Variants in TARS3 observed in about 807,000 individuals in gnomAD.
TARS3 encodes threonine--tRNA ligase 2, cytoplasmic.
In TARS3, 94 loss-of-function variants were observed where a neutral mutation model predicts 103.5. That is an observed-to-expected ratio of 0.91 (90% CI 0.77 to 1.08). TARS3 has a LOEUF of 1.08. Ranked by LOEUF, TARS3 falls within the 50% of genes least tolerant of loss-of-function variation. The probability of loss-of-function intolerance (pLI) is 0.00; values close to 1 mark genes in which losing one functional copy is unlikely to be tolerated. For missense variants in TARS3, 952 were observed against 995.2 expected (o/e 0.96, Z 0.58); for synonymous variants, 416 against 355.4 (o/e 1.17, Z -1.92).
At chr15:101,687,948 T>C (rs1898545347) in intron 10 of TARS3, among the ~76,000 whole-genome samples, 1 of 152,136 alleles carries the variant, frequency 6.6e-6, no homozygotes. Context: ...ACCCTAATCT[T>C]AGACTTACTG....
chr15:101,699,459 T>C, intron 10 of TARS3: 1 of 456,048 alleles, frequency 2.2e-6, no homozygotes, highest in Non-Finnish European at 4.4e-6. Context: ...GAGATCCCCT[T>C]AATGCCACTG....
chr15:101,708,209 G>A (rs1899666900), intron 6 of TARS3, among the ~76,000 whole-genome samples: 2 of 114,842 alleles, frequency 1.7e-5, no homozygotes, highest in African/African-American at 6.6e-5. Context: ...AGTGAGCCAA[G>A]ATAGTGCCAC....
At chr15:101,662,805 C>A (rs1351293218) in intron 15 of TARS3, among the ~76,000 whole-genome samples, 3 of 151,946 alleles carry the variant, frequency 2.0e-5, no homozygotes, top group Admixed American at 2.0e-4. Context: ...CCTGGGTATC[C>A]AAAATTTCTG....
chr15:101,718,265 G>C (rs1274858711), intron 3 of TARS3, among the ~76,000 whole-genome samples: 2 of 152,110 alleles, frequency 1.3e-5, no homozygotes, highest in African/African-American at 4.8e-5. Flanking sequence ...CTACTCGGGA[G>C]GCTGAGGCAG....
chr15:101,676,660 G>C (rs976143105), intron 12 of TARS3, among the ~76,000 whole-genome samples: 2 of 149,230 alleles, frequency 1.3e-5, no homozygotes, highest in Non-Finnish European at 3.0e-5. Flanking sequence ...CACCATGCTC[G>C]GCTAATTTTT....
intron 10 of TARS3, among the ~76,000 whole-genome samples, chr15:101,688,502 T>C (rs1421323602): frequency 3.3e-5 from 5 of 152,206 alleles, no homozygotes; most frequent in African/African-American, 1.2e-4. Context: ...GCTGAGTCTC[T>C]ACCCATACCT....
chr15:101,695,013 T>G (rs1433590372), intron 10 of TARS3, among the ~76,000 whole-genome samples: 4 of 152,180 alleles, frequency 2.6e-5, no homozygotes, highest in Non-Finnish European at 5.9e-5. Context: ...CCATGACAGT[T>G]GCATAATAAC....
At chr15:101,712,098 T>C in intron 4 of TARS3, 97 bp from the exon 5 acceptor site, 5 of 1,367,044 alleles carry the variant, frequency 3.7e-6, no homozygotes, top group Non-Finnish European at 4.9e-6. Context: ...TTTAAGGAGA[T>C]ACATGGCAAG....
At chr15:101,661,965 A>C in intron 15 of TARS3, 149 bp from the exon 16 acceptor site, 3 of 483,088 alleles carry the variant, frequency 6.2e-6, no homozygotes, top group Non-Finnish European at 1.0e-5. Context: ...TTGTTTTCTC[A>C]TTGCTTTCTT....
rs1480496417 is a variant in TARS3 at position 101,654,502 on chromosome 15, A to C, written c.*80T>G. 6.7e-7 allele frequency: 1 copy of C among 1,495,756 alleles called. No individual in the cohort carries two copies. Among genetic ancestry groups the C allele is most frequent in the East Asian group, 2.3e-5 (1 of 43,368 alleles). The allele number at this position is 1,495,756 out of a possible 1,614,324, so 92.7% of individuals were successfully genotyped here. A position where few individuals can be genotyped will look rare whatever the true frequency, so the allele number is the denominator to read the frequency against. On this transcript the variant is annotated 3_prime_UTR_variant, in exon 19 of 19. Coordinates refer to ENST00000335968, the MANE Select transcript of TARS3 (RefSeq NM_152334.3). ...GACCCATCAGTGGCTCCAAAGTCGT[A>C]GAAGTACTAACATGTTAAGAAAAAT...
rs199842569 is a variant in TARS3 at position 101,698,380 on chromosome 15, TA to T, written c.1320+2705del. On this transcript the variant is annotated intron_variant, in intron 10 of 18. Coordinates refer to ENST00000335968, the MANE Select transcript of TARS3 (RefSeq NM_152334.3). ...AATACATAAATAATTTTTTTTTTTT[TA>T]AAAAAGAAAGCTACCCTAAGGCACA... Among the ~76,000 whole-genome samples, 548 of 150,980 alleles carry T rather than the reference TA, an allele frequency of 3.6e-3. 2 individuals carry two copies. Among genetic ancestry groups the T allele is most frequent in the African/African-American group, 0.013 (519 of 40,972 alleles).
chr15:101,686,958 C>T (rs1885403423), intron 10 of TARS3, among the ~76,000 whole-genome samples: 1 of 151,846 alleles, frequency 6.6e-6, no homozygotes, highest in African/African-American at 2.4e-5. Flanking sequence ...TAAAACATAA[C>T]ATTTTAAGAT....
At chr15:101,667,261 C>T (rs780263218) in intron 15 of TARS3, among the ~76,000 whole-genome samples, 16 of 152,028 alleles carry the variant, frequency 1.1e-4, no homozygotes, top group Admixed American at 2.0e-4. Flanking sequence ...TAGCATTATT[C>T]GTAAGGGTTC....
At position 101,675,756 on chromosome 15, in the gene TARS3, A is replaced by C; in HGVS notation, c.1651-19T>G. 1 of 1,601,460 alleles carries C rather than the reference A, an allele frequency of 6.2e-7. No individual in the cohort carries two copies. Among genetic ancestry groups the C allele is most frequent in the Non-Finnish European group, 8.5e-7 (1 of 1,175,518 alleles). On this transcript the variant is annotated intron_variant, in intron 12 of 18. Transcript: ENST00000335968. ...CTTCAATCTGAAATCAAAGCAAATG[A>C]AACATTCAAATAGAACATCAAATTC...
chr15:101,716,578 T>C (rs1451576167), intron 3 of TARS3, among the ~76,000 whole-genome samples: 1 of 152,138 alleles, frequency 6.6e-6, no homozygotes, highest in African/African-American at 2.4e-5. Flanking sequence ...GGAACCAATA[T>C]TTGCTAGGCA....
chr15:101,704,676 AAAAG>A (rs960236688), intron 7 of TARS3, among the ~76,000 whole-genome samples: 1 of 151,736 alleles, frequency 6.6e-6, no homozygotes, highest in Non-Finnish European at 1.5e-5. Flanking sequence ...AAAAAAAAAA[AAAAG>A]AAAGCCATAA....
chr15:101,666,292 A>G (rs1244205930), intron 15 of TARS3, among the ~76,000 whole-genome samples: 1 of 152,000 alleles, frequency 6.6e-6, no homozygotes. Context: ...CCTGGCCAAC[A>G]TGGTGAAACC....
intron 16 of TARS3, among the ~76,000 whole-genome samples, chr15:101,658,319 A>AAC (rs1056010005): frequency 6.6e-6 from 1 of 151,750 alleles, no homozygotes; most frequent in Non-Finnish European, 1.5e-5. Flanking sequence ...AGCAAAAAAA[A>AAC]AAAAAAAAAA....
intron 12 of TARS3, among the ~76,000 whole-genome samples, chr15:101,676,592 G>A (rs545147849): frequency 2.6e-5 from 4 of 152,130 alleles, no homozygotes; most frequent in South Asian, 2.1e-4. Context: ...TCTGCCTCTC[G>A]GGTTCAAGCG....
Sources: allele counts gnomAD v4.1 joint callset (sites outside exome capture counted in the v4.1 genomes callset), GRCh38; gene constraint gnomAD v4.1.1; transcripts MANE v1.5; gene names NCBI Gene and HGNC (gene_info 2026-07-23, HGNC 2026-07-21).